Variants in HCN4 observed in about 807,000 individuals in gnomAD.
The protein encoded by HCN4 is potassium/sodium hyperpolarization-activated cyclic nucleotide-gated channel 4.
Under a neutral mutation model 76.9 loss-of-function variants are expected in HCN4, and 29 were observed. The observed-to-expected ratio is 0.38, with a 90% CI of 0.28 to 0.51. The LOEUF (loss-of-function observed/expected upper bound fraction) is 0.51. HCN4 is among the 20% of genes least tolerant of loss of function. The probability of loss-of-function intolerance (pLI) is 0.90; values close to 1 mark genes in which losing one functional copy is unlikely to be tolerated. For missense variants in HCN4, 1,416 were observed against 1,715.2 expected, an observed-to-expected ratio of 0.83 and a Z score of 3.08; for synonymous variants, 772 against 762.5, an observed-to-expected ratio of 1.01 and a Z score of -0.21.
chr15:73,347,035 G>A (rs1294342633), intron 1 of HCN4, among the ~76,000 whole-genome samples: 1 of 152,162 alleles, frequency 6.6e-6, no homozygotes, highest in Non-Finnish European at 1.5e-5. Context: ...CCTGCTGGTC[G>A]AAGCATCTCA....
chr15:73,332,159 T>C lies in HCN4; in HGVS notation c.1343A>G (p.Asp448Gly). 6.2e-7 allele frequency: 1 copy of C among 1,614,068 alleles called. No individual in the cohort carries two copies. Among genetic ancestry groups the C allele is most frequent in the Non-Finnish European group, 8.5e-7 (1 of 1,180,008 alleles). Residue 448 changes from aspartate (D) to glycine (G), a missense_variant, in exon 3 of 8, where the codon GAC becomes GGC. Around this residue, in one of 6 missense-constraint regions of HCN4, gnomAD observed 112 missense variants for 259.9 expected, o/e 0.43. Transcript: ENST00000261917. The part of the protein sequence containing the change: ...LVPMLQDFPD[D>G]CWVSINNMVN... ...CATGTTGTTGATGGACACCCAGCAG[T>C]CGTCAGGGAAGTCCTGTAGCATGGG... is the stretch of plus-strand genomic sequence containing the variant.
At chr15:73,351,603 G>T (rs1299774631) in intron 1 of HCN4, among the ~76,000 whole-genome samples, 1 of 152,094 alleles carries the variant, frequency 6.6e-6, no homozygotes, top group African/African-American at 2.4e-5. Context: ...CCCACCATGG[G>T]GACTACTCCA....
At chr15:73,329,836 C>G in intron 3 of HCN4, 45 bp from the exon 4 acceptor site, 1 of 1,504,134 alleles carries the variant, frequency 6.6e-7, no homozygotes. Context: ...AGAGGGAAGG[C>G]CCTTCTCACT....
chr15:73,340,557 G>C (rs1365264151), intron 2 of HCN4, among the ~76,000 whole-genome samples: 1 of 152,132 alleles, frequency 6.6e-6, no homozygotes, highest in Non-Finnish European at 1.5e-5. Context: ...CAGCCCCTCA[G>C]AGTGGACCCA....
chr15:73,356,765 G>A (rs2043083157), intron 1 of HCN4, among the ~76,000 whole-genome samples: 1 of 151,936 alleles, frequency 6.6e-6, no homozygotes, highest in Non-Finnish European at 1.5e-5. Context: ...GTGGGGCCAT[G>A]TTCTCTGAGG....
At chr15:73,355,278 A>T (rs532311788) in intron 1 of HCN4, among the ~76,000 whole-genome samples, 1 of 152,282 alleles carries the variant, frequency 6.6e-6, no homozygotes, top group East Asian at 1.9e-4. Flanking sequence ...TTGCTATGTG[A>T]CCTTGAATAA....
At position 73,323,737 on chromosome 15, in the gene HCN4, C is replaced by T. The variant is rs771516987; in HGVS notation, c.2356G>A (p.Ala786Thr). The change falls in exon 8 of 8, where the codon GCT (alanine) becomes ACT (threonine). Residue 786 changes from alanine (A) to threonine (T), a missense_variant. Coordinates refer to ENST00000261917, the MANE Select transcript of HCN4 (RefSeq NM_005477.3). ...PLIQAPLQAA[A>T]ATTSVAIALT... ...GCTATGGCCACAGAAGTGGTGGCAG[C>T]GGCAGCCTGCAGTGGTGCCTGGATC... The T allele has an allele frequency of 2.7e-5, 43 of 1,603,214 alleles. No homozygotes were observed. Among genetic ancestry groups the T allele is most frequent in the Non-Finnish European group, 2.9e-5 (34 of 1,175,238 alleles).
intron 1 of HCN4, among the ~76,000 whole-genome samples, chr15:73,354,374 C>T (rs1236164509): frequency 6.6e-6 from 1 of 152,196 alleles, no homozygotes; most frequent in African/African-American, 2.4e-5. Context: ...CTCTTCTTGG[C>T]CTGTGATCCT....
At chr15:73,333,523 A>G (rs1377807573) in intron 2 of HCN4, among the ~76,000 whole-genome samples, 1 of 152,144 alleles carries the variant, frequency 6.6e-6, no homozygotes, top group Non-Finnish European at 1.5e-5. Context: ...AGCTAGTGGC[A>G]AGCTGTTCTG....
intron 2 of HCN4, among the ~76,000 whole-genome samples, chr15:73,332,583 C>A (rs2042939646): frequency 6.6e-6 from 1 of 152,166 alleles, no homozygotes; most frequent in Non-Finnish European, 1.5e-5. Context: ...ACACCTGGAG[C>A]CCCATGCAGC....
chr15:73,336,883 T>A (rs2151219306), intron 2 of HCN4, among the ~76,000 whole-genome samples: 1 of 152,218 alleles, frequency 6.6e-6, no homozygotes, highest in Non-Finnish European at 1.5e-5. Context: ...TTCCAATGAC[T>A]TCCCACTGCA....
In HCN4 at chr15:73,343,928, G is replaced by A. The variant is rs2043019121; in HGVS notation, c.786-120C>T. On this transcript the variant is annotated intron_variant, in intron 1 of 7. Coordinates refer to ENST00000261917, the MANE Select transcript of HCN4 (RefSeq NM_005477.3). This position sits in a 1 kb window ranked among gnomAD's most constrained non-coding sequence, Gnocchi z 5.7. The stretch of plus-strand genomic sequence containing the variant: ...GAAGTCTTGGGAGGTTCTGAGACAG[G>A]AAGACAGGCACATGGGTACCAGGGC... 3 of 1,004,070 alleles carry A rather than the reference G, an allele frequency of 3.0e-6. No individual in the cohort carries two copies. Among genetic ancestry groups the A allele is most frequent in the Non-Finnish European group, 1.5e-6 (1 of 646,850 alleles). The allele number at this position is 1,004,070 out of a possible 1,614,324, so 62.2% of individuals were successfully genotyped here.
At position 73,320,336 on chromosome 15, in the gene HCN4, T is replaced by G. The variant is rs1270448951; in HGVS notation, c.*2145A>C. 1.3e-5 allele frequency: 2 copies of G among 152,694 alleles called. No individual in the cohort carries two copies. 9.5% of individuals were successfully genotyped at this position (152,694 alleles called of 1,614,324 possible). A position where few individuals can be genotyped will look rare whatever the true frequency, so the allele number is the denominator to read the frequency against. ...CAGGAACCTTCACCCACTTCTCTCC[T>G]GGAGTACTGCCTCCCACTCCCTGCA... On this transcript the variant is annotated 3_prime_UTR_variant, in exon 8 of 8. Coordinates refer to ENST00000261917, the MANE Select transcript of HCN4 (RefSeq NM_005477.3).
In HCN4 at chr15:73,323,064, G is replaced by GC. The variant is rs376127467; in HGVS notation, c.3028dup (p.Ala1010GlyfsTer184). ...GCCTACAGGGGAAGCCCCCCCAGAG[G>GC]CCCCTGCCACAAGGGACGGCGGCTC... On this transcript the variant is annotated frameshift_variant, in exon 8 of 8. Transcript: ENST00000261917. LOFTEE classifies it high-confidence loss of function. The GC allele has an allele frequency of 1.3e-6, 2 of 1,540,130 alleles. No individual in the cohort carries two copies. Among genetic ancestry groups the GC allele is most frequent in the Non-Finnish European group, 1.7e-6 (2 of 1,149,524 alleles).
chr15:73,329,888 T>C (rs1284380815), intron 3 of HCN4, 97 bp from the exon 4 acceptor site: 4 of 1,031,216 alleles, frequency 3.9e-6, no homozygotes, highest in Non-Finnish European at 5.8e-6. Context: ...CAACCTAACT[T>C]TCTCAGTGGC....
At chr15:73,366,968 G>A (rs1052335676) in intron 1 of HCN4, among the ~76,000 whole-genome samples, 1 of 152,206 alleles carries the variant, frequency 6.6e-6, no homozygotes, top group Non-Finnish European at 1.5e-5. Context: ...CCCGGCCTGA[G>A]GCCCCAGTGA....
At position 73,367,903 on chromosome 15, in the gene HCN4, T is replaced by C. The variant is rs1555479000; in HGVS notation, c.368A>G (p.His123Arg). ...TGSGSSHGHLHDSAEERRLIA... is the reference protein window; with the variant it reads ...TGSGSSHGHLRDSAEERRLIA... ...GAGCCGCCGCTCCTCCGCGGAGTCA[T>C]GCAGGTGTCCGTGACTGCTGCCGCT... The change falls in exon 1 of 8, where the codon CAT becomes CGT. Residue 123 changes from histidine (H) to arginine (R), a missense_variant. By Grantham distance (29) the His-to-Arg change is conservative. Around this residue, in one of 6 missense-constraint regions of HCN4, gnomAD observed 355 missense variants for 347.8 expected, o/e 1.02. Coordinates refer to ENST00000261917, the MANE Select transcript of HCN4 (RefSeq NM_005477.3). The surrounding 1 kb of genome is among the most constrained non-coding windows in gnomAD (Gnocchi z 7.5). 2.9e-6 allele frequency: 4 copies of C among 1,390,446 alleles called. No individual in the cohort carries two copies. The highest frequency in any genetic ancestry group is 3.7e-6 in the Non-Finnish European group (4 of 1,071,994). The allele number at this position is 1,390,446 out of a possible 1,614,324, so 86.1% of individuals were successfully genotyped here. A position where few individuals can be genotyped will look rare whatever the true frequency, so the allele number is the denominator to read the frequency against.
intron 1 of HCN4, among the ~76,000 whole-genome samples, chr15:73,359,518 G>A (rs1366239324): frequency 6.6e-6 from 1 of 152,114 alleles, no homozygotes; most frequent in Non-Finnish European, 1.5e-5. Context: ...CTAAAGGGGG[G>A]CGGGGCACGA....
rs562998590 is a variant in HCN4 at position 73,336,991 on chromosome 15, C to T, written c.1210-4699G>A. Among the ~76,000 whole-genome samples, 46 of 152,340 alleles carry T rather than the reference C, an allele frequency of 3.0e-4. 1 individual carries two copies. In the South Asian group the frequency reaches 9.3e-3, roughly 31 times the overall value. On this transcript the variant is annotated intron_variant, in intron 2 of 7. Coordinates refer to ENST00000261917, the MANE Select transcript of HCN4 (RefSeq NM_005477.3). ...TGCCCAAAGCCATCTCTGGCCACAG[C>T]GGCCTTCCTTCATGTCCTTGAATGC...
Sources: gnomAD v4.1 joint callset for allele counts (sites outside exome capture counted in the v4.1 genomes callset) on GRCh38, gnomAD v4.1.1 for gene constraint, gnomAD v4.1.1 regional missense constraint, Gnocchi (gnomAD v3.1) non-coding constraint, MANE v1.5 for transcripts, NCBI Gene and HGNC (gene_info 2026-07-23, HGNC 2026-07-21) for gene names.